Variants in VPS36 observed in about 807,000 individuals in gnomAD.
VPS36 encodes vacuolar protein-sorting-associated protein 36.
A neutral mutation model predicts 63.5 loss-of-function variants in VPS36; 31 were observed. The observed-to-expected ratio is 0.49, with a 90% CI of 0.37 to 0.66. VPS36 has a LOEUF of 0.66. Ranked by LOEUF, VPS36 falls within the 30% of genes least tolerant of loss-of-function variation. VPS36 has a pLI of 0.00. For missense variants in VPS36, 338 were observed against 463.7 expected, an observed-to-expected ratio of 0.73 and a Z score of 2.49; for synonymous variants, 138 against 157.2, an observed-to-expected ratio of 0.88 and a Z score of 0.91.
At chr13:52,441,571 C>T (rs1439301915) in intron 2 of VPS36, among the ~76,000 whole-genome samples, 1 of 152,096 alleles carries the variant, frequency 6.6e-6, no homozygotes, top group Non-Finnish European at 1.5e-5. Flanking sequence ...AACAACTTGG[C>T]TAAACCCCGT....
chr13:52,426,631 G>A (rs1160696867), intron 8 of VPS36, among the ~76,000 whole-genome samples: 3 of 152,064 alleles, frequency 2.0e-5, no homozygotes, highest in Admixed American at 1.3e-4. Context: ...CGAGGCAGGC[G>A]GATCACGAGG....
rs181320067 is a variant in VPS36 at position 52,443,398 on chromosome 13, T to C, written c.97-953A>G. ...TGATTAGGTTTAGAAGTTCATGAGG[T>C]GGGGCCCTCATGATGGGACTAGTAT... On this transcript the variant is annotated intron_variant, in intron 1 of 13. Coordinates refer to ENST00000378060, the MANE Select transcript of VPS36 (RefSeq NM_016075.4). Among the ~76,000 whole-genome samples the C allele has an allele frequency of 7.0e-3, 1,061 of 152,224 alleles. 3 individuals are homozygous for C. The highest frequency in any genetic ancestry group is 0.011 in the Non-Finnish European group (737 of 68,002).
In VPS36 at chr13:52,417,087, T is replaced by C; in HGVS notation, c.960A>G (p.Glu320=). 6.2e-7 allele frequency: 1 copy of C among 1,614,100 alleles called. No homozygotes were observed. Among genetic ancestry groups the C allele is most frequent in the Admixed American group, 1.7e-5 (1 of 60,026 alleles). Reference sequence around the variant, plus strand: ...CCAGGGCCGAGGCCACCATTTCCTCTTCCTTGTGAGACTGAAGCTCAATTA... The same window carrying C: ...CCAGGGCCGAGGCCACCATTTCCTCCTCCTTGTGAGACTGAAGCTCAATTA... ...VMVIELQSHK[E]EEMVASALET... Residue 320 remains glutamate (E), a synonymous_variant, in exon 12 of 14, where the codon GAA becomes GAG. Transcript: ENST00000378060.
intron 1 of VPS36, among the ~76,000 whole-genome samples, chr13:52,445,507 C>T (rs1414509172): frequency 6.9e-6 from 1 of 145,936 alleles, no homozygotes; most frequent in Non-Finnish European, 1.5e-5. Flanking sequence ...GGCTTGGTGG[C>T]GGGCACCTGT....
chr13:52,433,838 G>A lies in VPS36; in HGVS notation c.442-90C>T, dbSNP rs144225866. 4.4e-4 allele frequency: 502 copies of A among 1,130,998 alleles called. 4 individuals are homozygous for A. The East Asian group carries it at 9.1e-3, about 21-fold the overall frequency. The allele number at this position is 1,130,998 out of a possible 1,614,324, so 70.1% of individuals were successfully genotyped here. ...CCAACCACATTGTGTTTTCAATGGC[G>A]GGAAAGGACCTACAAAGAACCAAAG... On this transcript the variant is annotated intron_variant, in intron 5 of 13. Coordinates refer to ENST00000378060, the MANE Select transcript of VPS36 (RefSeq NM_016075.4).
intron 1 of VPS36, 87 bp downstream of exon 1, chr13:52,450,412 C>A: frequency 7.1e-7 from 1 of 1,400,954 alleles, no homozygotes; most frequent in Admixed American, 3.2e-5. Flanking sequence ...GACCGGGCCG[C>A]GCCGACCCGG....
chr13:52,416,762 G>A (rs1957996968), intron 12 of VPS36, among the ~76,000 whole-genome samples: 1 of 152,146 alleles, frequency 6.6e-6, no homozygotes. Flanking sequence ...ATCTGATAAA[G>A]TTAAAAACCT....
chr13:52,426,593 C>T (rs1015103615), intron 8 of VPS36, among the ~76,000 whole-genome samples: 1 of 152,184 alleles, frequency 6.6e-6, no homozygotes, highest in African/African-American at 2.4e-5. Flanking sequence ...ATAAAACAGG[C>T]TGGGCGTGGT....
intron 4 of VPS36, among the ~76,000 whole-genome samples, chr13:52,435,370 ATCAGCT>A (rs963605425): frequency 3.3e-5 from 5 of 151,988 alleles, no homozygotes; most frequent in African/African-American, 1.2e-4. Context: ...CTTTTCTTGG[ATCAGCT>A]TCAGAAAGCA....
chr13:52,439,632 G>C (rs1413182065), intron 2 of VPS36, among the ~76,000 whole-genome samples: 1 of 152,014 alleles, frequency 6.6e-6, no homozygotes, highest in Non-Finnish European at 1.5e-5. Flanking sequence ...ATTTTTAGTA[G>C]AGACGGGGTT....
chr13:52,422,933 T>C (rs552843944), intron 10 of VPS36, among the ~76,000 whole-genome samples: 10 of 152,284 alleles, frequency 6.6e-5, no homozygotes, highest in African/African-American at 2.2e-4. Context: ...GATTGAATTA[T>C]GGGGGCGGGT....
chr13:52,447,931 A>G (rs1958361741), intron 1 of VPS36, among the ~76,000 whole-genome samples: 1 of 152,184 alleles, frequency 6.6e-6, no homozygotes, highest in Admixed American at 6.5e-5. Context: ...TGTGGATCTT[A>G]GGCAAGTCAC....
At position 52,427,070 on chromosome 13, in the gene VPS36, T is replaced by A; in HGVS notation, c.562-4A>T. On this transcript the variant is annotated splice_region_variant and splice_polypyrimidine_tract_variant and intron_variant, in intron 7 of 13. Transcript: ENST00000378060. ...ATAATTCCACCATTTCCTTAGCCTG[T>A]CAAATAAAAAGTAAAGACTGAAAAG... The A allele has an allele frequency of 6.2e-7, 1 of 1,609,804 alleles. No homozygotes were observed.
intron 3 of VPS36, among the ~76,000 whole-genome samples, chr13:52,436,692 T>G (rs1367312158): frequency 1.3e-5 from 2 of 152,160 alleles, no homozygotes; most frequent in Non-Finnish European, 2.9e-5. Context: ...TTTGCAAAAT[T>G]TTGAGTTTAT....
intron 6 of VPS36, chr13:52,429,535 G>T (rs1174880002): frequency 6.6e-6 from 1 of 152,394 alleles, no homozygotes; most frequent in Non-Finnish European, 1.5e-5. Flanking sequence ...TTGCCTGCCT[G>T]TGTCTGTGCA....
At position 52,425,945 on chromosome 13, in the gene VPS36, T is replaced by C; in HGVS notation, c.761A>G (p.Gln254Arg). ...TTTAGTTTTTACCTCTAAAGGCACC[T>C]GCAATATTCCAGCCAGTTGTTTGGC... ...QLAKQLAGIL[Q>R]VPLEERGGIM... Residue 254 changes from glutamine to arginine, a missense_variant, in exon 9 of 14, where the codon CAG becomes CGG. Coordinates refer to ENST00000378060, the MANE Select transcript of VPS36 (RefSeq NM_016075.4). The C allele has an allele frequency of 6.2e-7, 1 of 1,612,722 alleles. No homozygotes were observed. Among genetic ancestry groups the C allele is most frequent in the South Asian group, 1.1e-5 (1 of 90,558 alleles).
At chr13:52,438,085 C>G (rs944055145) in intron 3 of VPS36, among the ~76,000 whole-genome samples, 10 of 152,066 alleles carry the variant, frequency 6.6e-5, no homozygotes, top group African/African-American at 2.4e-4. Flanking sequence ...TTACTGAAGT[C>G]CTCCTCACTG....
chr13:52,440,106 G>A (rs1958261211), intron 2 of VPS36, among the ~76,000 whole-genome samples: 1 of 151,734 alleles, frequency 6.6e-6, no homozygotes, highest in Non-Finnish European at 1.5e-5. Context: ...AGCTTCCCAA[G>A]TAGCTGGGAT....
chr13:52,419,330 T>C (rs61958048), intron 10 of VPS36, among the ~76,000 whole-genome samples: 5,487 of 152,336 alleles, frequency 0.036, 128 homozygotes, highest in South Asian at 0.069. Flanking sequence ...CTGCATTATC[T>C]ACAAGGCAAC....
Sources: gnomAD v4.1 joint callset for allele counts (sites outside exome capture counted in the v4.1 genomes callset) on GRCh38, gnomAD v4.1.1 for gene constraint, MANE v1.5 for transcripts, NCBI Gene and HGNC (gene_info 2026-07-23, HGNC 2026-07-21) for gene names.